Variants in NCAM1 observed in about 807,000 individuals in gnomAD.
NCAM1 encodes the protein neural cell adhesion molecule 1.
A neutral mutation model predicts 109.8 loss-of-function variants in NCAM1; 14 were observed. The ratio of observed to expected loss-of-function variants is 0.13; its 90% confidence interval spans 0.08 to 0.20. The LOEUF is 0.20. NCAM1 is among the 10% of genes least tolerant of loss of function. The pLI, the probability that NCAM1 is intolerant of heterozygous loss-of-function variation, is 1.00. For synonymous variants in NCAM1, 418 were observed against 442.9 expected, an observed-to-expected ratio of 0.94 and a Z score of 0.70; for missense variants, 774 against 1,109.9, an observed-to-expected ratio of 0.70 and a Z score of 4.30.
chr11:113,169,627 G>C (rs1350983189), intron 1 of NCAM1, among the ~76,000 whole-genome samples: 2 of 70,926 alleles, frequency 2.8e-5, no homozygotes, highest in Non-Finnish European at 5.0e-5. Flanking sequence ...AGTTGGATGG[G>C]AGTTTTTTTT....
chr11:113,187,271 T>G (rs1555109027), intron 1 of NCAM1, among the ~76,000 whole-genome samples: 1 of 152,202 alleles, frequency 6.6e-6, no homozygotes, highest in Non-Finnish European at 1.5e-5. Flanking sequence ...CAAAAGGATC[T>G]TGGTCCAAGA....
intron 16 of NCAM1, among the ~76,000 whole-genome samples, chr11:113,257,945 C>T (rs1368601003): frequency 6.6e-6 from 1 of 152,252 alleles, no homozygotes; most frequent in African/African-American, 2.4e-5. Flanking sequence ...TCCAGCACCA[C>T]TGGCATTTGC....
chr11:113,008,027 A>G (rs1951933254), intron 1 of NCAM1, among the ~76,000 whole-genome samples: 1 of 152,224 alleles, frequency 6.6e-6, no homozygotes, highest in Non-Finnish European at 1.5e-5. Flanking sequence ...CACCGTGTCA[A>G]TTTAATTGAC....
chr11:112,994,223 T>G (rs1295261733), intron 1 of NCAM1, among the ~76,000 whole-genome samples: 1 of 152,252 alleles, frequency 6.6e-6, no homozygotes, highest in Non-Finnish European at 1.5e-5. Context: ...ATCTTTATTC[T>G]GTCCTGCTGA....
chr11:113,111,579 T>C (rs1940445978), intron 1 of NCAM1, among the ~76,000 whole-genome samples: 1 of 152,216 alleles, frequency 6.6e-6, no homozygotes, highest in South Asian at 2.1e-4. Context: ...TGTATCTTGA[T>C]TGTCGTGTGG....
chr11:112,976,501 T>A (rs1438167480), intron 1 of NCAM1, among the ~76,000 whole-genome samples: 10 of 151,940 alleles, frequency 6.6e-5, no homozygotes, highest in Non-Finnish European at 1.5e-4. Flanking sequence ...TGGGATTGGT[T>A]GTATGTCTGC....
intron 1 of NCAM1, among the ~76,000 whole-genome samples, chr11:113,164,437 G>C (rs937943068): frequency 2.0e-5 from 3 of 152,054 alleles, no homozygotes; most frequent in Non-Finnish European, 1.5e-5. Flanking sequence ...TCAGTCCCAC[G>C]AGACTGCCCT....
chr11:113,271,390 A>G (rs1012085286), intron 18 of NCAM1, among the ~76,000 whole-genome samples: 9 of 151,696 alleles, frequency 5.9e-5, no homozygotes, highest in South Asian at 4.2e-4. Context: ...AAAAAAAAAA[A>G]AAAAAAGAAA....
chr11:113,176,130 C>A (rs1943136325), intron 1 of NCAM1, among the ~76,000 whole-genome samples: 1 of 152,172 alleles, frequency 6.6e-6, no homozygotes, highest in African/African-American at 2.4e-5. Context: ...TCATCAGAGA[C>A]TCTACTGTTG....
chr11:113,137,055 A>G (rs782465122), intron 1 of NCAM1, among the ~76,000 whole-genome samples: 5 of 152,180 alleles, frequency 3.3e-5, no homozygotes, highest in Non-Finnish European at 7.4e-5. Flanking sequence ...AAGGGAAGGA[A>G]AGATTGAAAA....
At chr11:113,175,806 T>C (rs1259399424) in intron 1 of NCAM1, among the ~76,000 whole-genome samples, 1 of 152,154 alleles carries the variant, frequency 6.6e-6, no homozygotes, top group Non-Finnish European at 1.5e-5. Flanking sequence ...TGTATAATTA[T>C]GCATATATAA....
At chr11:113,102,981 T>C (rs1555091791) in intron 1 of NCAM1, among the ~76,000 whole-genome samples, 2 of 113,930 alleles carry the variant, frequency 1.8e-5, no homozygotes, top group African/African-American at 3.8e-5. Flanking sequence ...TGAAATTTGG[T>C]TACAGACATG....
intron 1 of NCAM1, among the ~76,000 whole-genome samples, chr11:113,151,655 C>T (rs1942227315): frequency 6.6e-6 from 1 of 152,244 alleles, no homozygotes. Context: ...GCAGCTGTCT[C>T]TTTTTTCCTG....
intron 1 of NCAM1, among the ~76,000 whole-genome samples, chr11:113,115,658 A>G (rs1197989921): frequency 6.6e-6 from 1 of 152,248 alleles, no homozygotes; most frequent in Admixed American, 6.5e-5. Flanking sequence ...AGAAGCCACA[A>G]CAATGAGATA....
chr11:113,225,065 G>A (rs1044050810), intron 9 of NCAM1, among the ~76,000 whole-genome samples: 16 of 152,266 alleles, frequency 1.1e-4, no homozygotes, highest in African/African-American at 3.4e-4. Flanking sequence ...CACCAGCAGC[G>A]GAACAAAGCT....
At chr11:113,006,210 G>C in intron 1 of NCAM1, among the ~76,000 whole-genome samples, 1 of 152,140 alleles carries the variant, frequency 6.6e-6, no homozygotes, top group East Asian at 1.9e-4. Flanking sequence ...TCATCCATGT[G>C]ATCCTTATTG....
chr11:113,201,258 C>G (rs1260927265), intron 1 of NCAM1, among the ~76,000 whole-genome samples: 1 of 152,174 alleles, frequency 6.6e-6, no homozygotes, highest in Admixed American at 6.5e-5. Flanking sequence ...AGACCAAGAC[C>G]TGCAGCAGCT....
intron 7 of NCAM1, 33 bp downstream of exon 7, chr11:113,208,035 G>A (rs782092449): frequency 3.8e-6 from 6 of 1,579,222 alleles, no homozygotes; most frequent in South Asian, 1.2e-5. Flanking sequence ...TCACTGCTCT[G>A]CCACAATTCC....
At chr11:113,019,375 G>T (rs1455978855) in intron 1 of NCAM1, among the ~76,000 whole-genome samples, 1 of 152,206 alleles carries the variant, frequency 6.6e-6, no homozygotes, top group Non-Finnish European at 1.5e-5. Flanking sequence ...CGAGGAGCTC[G>T]TAGTGCTAAC....
Sources: allele counts gnomAD v4.1 joint callset (sites outside exome capture counted in the v4.1 genomes callset), GRCh38; gene constraint gnomAD v4.1.1; transcripts MANE v1.5; gene names NCBI Gene and HGNC (gene_info 2026-07-23, HGNC 2026-07-21).